Variants in ACSF3 observed in about 807,000 individuals in gnomAD.
ACSF3 encodes acyl-CoA synthetase family member 3.
In ACSF3, 78 loss-of-function variants were observed where a neutral mutation model predicts 53.2. The observed-to-expected ratio is 1.47, with a 90% CI of 1.22 to 1.77. ACSF3 has a LOEUF of 1.77. ACSF3 is among the 40% of genes most tolerant of loss of function. ACSF3 has a pLI of 0.00. For synonymous variants in ACSF3, 414 were observed against 333.1 expected, an observed-to-expected ratio of 1.24 and a Z score of -2.65; for missense variants, 937 against 771.1, an observed-to-expected ratio of 1.22 and a Z score of -2.55.
intron 8 of ACSF3, chr16:89,136,935 C>T (rs1215468943): frequency 1.8e-6 from 2 of 1,136,988 alleles, no homozygotes; most frequent in Non-Finnish European, 2.3e-6. Flanking sequence ...AGGTCTGTCT[C>T]AGGTAACTCC....
chr16:89,140,703 A>G (rs1911590095), intron 8 of ACSF3, among the ~76,000 whole-genome samples: 1 of 152,144 alleles, frequency 6.6e-6, no homozygotes, highest in African/African-American at 2.4e-5. Context: ...CCCCCCGGCC[A>G]GGAGTGCTTC....
rs775095765 is a variant in ACSF3, at chr16:89,155,357, G to A, written c.*1150G>A. On this transcript the variant is annotated 3_prime_UTR_variant, in exon 11 of 11. Coordinates refer to ENST00000614302, the MANE Select transcript of ACSF3 (RefSeq NM_001243279.3). ...GGCCAGCCCCATCTCAGGCTCACGT[G>A]CCTCTGACAGGAGACCAGCCCCATC... 1.1e-5 allele frequency: 5 copies of A among 451,394 alleles called. No homozygotes were observed. Among genetic ancestry groups the A allele is most frequent in the Non-Finnish European group, 1.8e-5 (4 of 224,636 alleles). The allele number at this position is 451,394 out of a possible 1,614,324, so 28.0% of individuals were successfully genotyped here.
intron 7 of ACSF3, among the ~76,000 whole-genome samples, chr16:89,128,428 T>C (rs960650469): frequency 2.6e-5 from 4 of 151,796 alleles, no homozygotes; most frequent in Admixed American, 2.0e-4. Flanking sequence ...GCCCAGCTAA[T>C]TTTTTGTATT....
intron 7 of ACSF3, among the ~76,000 whole-genome samples, chr16:89,124,008 G>T (rs1326785257): frequency 1.2e-5 from 1 of 80,042 alleles, no homozygotes; most frequent in East Asian, 2.5e-4. Flanking sequence ...GCACACACAG[G>T]TATCACACGC....
chr16:89,122,764 C>G (rs1906964136), intron 7 of ACSF3: 1 of 153,474 alleles, frequency 6.5e-6, no homozygotes, highest in Admixed American at 6.5e-5. Flanking sequence ...GAAATGTTGC[C>G]AGAGAAAGGG....
intron 7 of ACSF3, among the ~76,000 whole-genome samples, chr16:89,132,067 A>G (rs1190644315): frequency 1.3e-5 from 2 of 152,246 alleles, no homozygotes; most frequent in Non-Finnish European, 2.9e-5. Context: ...CAGCAGGACG[A>G]CACACTCGGC....
intron 6 of ACSF3, among the ~76,000 whole-genome samples, chr16:89,115,764 G>T (rs1409845701): frequency 6.6e-6 from 1 of 152,212 alleles, no homozygotes; most frequent in Non-Finnish European, 1.5e-5. Context: ...GGCGGTGGTG[G>T]TGTCTCGTTG....
At chr16:89,097,297 C>T (rs1281429095) in intron 1 of ACSF3, among the ~76,000 whole-genome samples, 3 of 152,186 alleles carry the variant, frequency 2.0e-5, no homozygotes, top group African/African-American at 7.2e-5. Context: ...AGCCGTCATC[C>T]CCCTTTTATG....
intron 9 of ACSF3, among the ~76,000 whole-genome samples, 183 bp from the exon 10 acceptor site, chr16:89,145,755 C>T (rs1161364383): frequency 6.6e-6 from 1 of 152,166 alleles, no homozygotes; most frequent in Non-Finnish European, 1.5e-5. Flanking sequence ...GTGGGGAGCC[C>T]GTCCTCACTC....
At chr16:89,149,921 A>G (rs568266079) in intron 10 of ACSF3, 2 of 152,290 alleles carry the variant, frequency 1.3e-5, no homozygotes, top group South Asian at 2.1e-4. Flanking sequence ...ACCCCTGTCT[A>G]TCTGGGCATT....
intron 4 of ACSF3, among the ~76,000 whole-genome samples, chr16:89,110,773 G>T (rs1213235316): frequency 6.6e-6 from 1 of 152,206 alleles, no homozygotes; most frequent in Admixed American, 6.5e-5. Flanking sequence ...AACATGGAGT[G>T]TTCCCGTCTG....
Position 89,102,602 on chromosome 16 carries a change from A to C in ACSF3, c.667-2A>C. 1 of 1,613,638 alleles carries C rather than the reference A, an allele frequency of 6.2e-7. No individual in the cohort carries two copies. The highest frequency in any genetic ancestry group is 8.5e-7 in the Non-Finnish European group (1 of 1,180,036). On this transcript the variant is annotated splice_acceptor_variant, in intron 3 of 10. Coordinates refer to ENST00000614302, the MANE Select transcript of ACSF3 (RefSeq NM_001243279.3). LOFTEE classifies it high-confidence loss of function. Reference sequence around the variant, plus strand: ...TCTCAGCTGTGCTCTCGTCCCCTGCAGGTGACCGGGCTGGTCCACAAGTGG... The same window carrying C: ...TCTCAGCTGTGCTCTCGTCCCCTGCCGGTGACCGGGCTGGTCCACAAGTGG...
chr16:89,125,871 G>A lies in ACSF3; in HGVS notation c.1239+4958G>A, dbSNP rs1280579921. On this transcript the variant is annotated intron_variant, in intron 7 of 10. Coordinates refer to ENST00000614302, the MANE Select transcript of ACSF3 (RefSeq NM_001243279.3). Reference sequence around the variant, plus strand: ...TGTGTCTCTCCGTTTACTTAGATCCGTGAACACAGTGTGTCTCTCCGTTTA... The same window carrying A: ...TGTGTCTCTCCGTTTACTTAGATCCATGAACACAGTGTGTCTCTCCGTTTA... 2.0e-5 allele frequency among the ~76,000 whole-genome samples: 3 copies of A among 152,144 alleles called. No homozygotes were observed. The South Asian group carries it at 6.2e-4, about 32-fold the overall frequency.
At chr16:89,097,858 AC>A (rs1597873376) in intron 1 of ACSF3, among the ~76,000 whole-genome samples, 1 of 152,202 alleles carries the variant, frequency 6.6e-6, no homozygotes, top group Non-Finnish European at 1.5e-5. Context: ...GAGAAGACTC[AC>A]ACAGGACGTC....
intron 6 of ACSF3, among the ~76,000 whole-genome samples, chr16:89,115,707 T>G (rs1418361824): frequency 1.3e-5 from 2 of 152,210 alleles, no homozygotes; most frequent in African/African-American, 2.4e-5. Context: ...CACCATCCCC[T>G]TCCCCCTGCA....
chr16:89,155,646 G>T lies in ACSF3; in HGVS notation c.*1439G>T. 1 of 454,134 alleles carries T rather than the reference G, an allele frequency of 2.2e-6. No homozygotes were observed. The highest frequency in any genetic ancestry group is 1.6e-5 in the South Asian group (1 of 64,470). 28.1% of individuals were successfully genotyped at this position (454,134 alleles called of 1,614,324 possible). On this transcript the variant is annotated 3_prime_UTR_variant, in exon 11 of 11. Coordinates refer to ENST00000614302, the MANE Select transcript of ACSF3 (RefSeq NM_001243279.3). ...CCAGAGGCCTGGACCCAAGGGAACG[G>T]CAGTCAGAGACTACAGTCCAGACGT...
At chr16:89,142,322 C>A (rs1236448922) in intron 8 of ACSF3, among the ~76,000 whole-genome samples, 2 of 152,152 alleles carry the variant, frequency 1.3e-5, no homozygotes, top group Non-Finnish European at 2.9e-5. Context: ...AGGGAGAGAC[C>A]CCCAAACAAG....
intron 10 of ACSF3, 155 bp from the exon 11 acceptor site, chr16:89,153,935 C>T (rs777117966): frequency 1.7e-5 from 12 of 712,064 alleles, no homozygotes; most frequent in Non-Finnish European, 2.2e-5. Flanking sequence ...GAGACAGCTG[C>T]GGTGGCCCGG....
intron 7 of ACSF3, among the ~76,000 whole-genome samples, chr16:89,132,686 C>T (rs935391287): frequency 2.0e-5 from 3 of 152,266 alleles, no homozygotes; most frequent in African/African-American, 4.8e-5. Flanking sequence ...CCCCTGTGGG[C>T]AAGGTGTGGA....
Sources: gnomAD v4.1 joint callset for allele counts (sites outside exome capture counted in the v4.1 genomes callset) on GRCh38, gnomAD v4.1.1 for gene constraint, MANE v1.5 for transcripts, NCBI Gene and HGNC (gene_info 2026-07-23, HGNC 2026-07-21) for gene names.